The following OR1L8 variants were observed in gnomAD, a reference collection of about 807,000 sequenced individuals.
OR1L8 encodes olfactory receptor family 1 subfamily L member 8, also known as olfactory receptor 1L8.
For missense variants in OR1L8, 330 were observed against 377.4 expected, an observed-to-expected ratio of 0.87 and a Z score of 1.04; for synonymous variants, 148 against 147.0, an observed-to-expected ratio of 1.01 and a Z score of -0.05.
intron 1 of OR1L8, among the ~76,000 whole-genome samples, chr9:122,582,956 GC>G (rs1472349466): frequency 1.3e-5 from 2 of 151,834 alleles, no homozygotes; most frequent in East Asian, 3.8e-4. Flanking sequence ...AAAAAATAGA[GC>G]TAAATCATAT....
At chr9:122,576,218 T>C (rs1248540305) in intron 3 of OR1L8, among the ~76,000 whole-genome samples, 1 of 151,122 alleles carries the variant, frequency 6.6e-6, no homozygotes, top group Non-Finnish European at 1.5e-5. Flanking sequence ...CATTTTCTTT[T>C]TTACATTTTT....
downstream of OR1L8, among the ~76,000 whole-genome samples, chr9:122,566,547 T>C (rs148854291): frequency 2.4e-4 from 36 of 152,326 alleles, no homozygotes; most frequent in East Asian, 5.6e-3. Flanking sequence ...TTTGATTCTT[T>C]GAACATGCTG....
the OR1L8 span, among the ~76,000 whole-genome samples, chr9:122,547,832 A>C: frequency 6.6e-6 from 1 of 152,200 alleles, no homozygotes; most frequent in Admixed American, 6.6e-5. Flanking sequence ...GCTGGATCAA[A>C]TGATAGTTCT....
intron 1 of OR1L8, among the ~76,000 whole-genome samples, chr9:122,579,029 T>TA (rs142102747): frequency 0.027 from 3,994 of 150,632 alleles, 124 homozygotes; most frequent in African/African-American, 0.072. Flanking sequence ...CCCAAAAACC[T>TA]ACTGAAATTA....
chr9:122,552,079 T>TCTCTCTCTGTCACACA, the OR1L8 span, among the ~76,000 whole-genome samples: 6 of 142,086 alleles, frequency 4.2e-5, no homozygotes, highest in South Asian at 2.2e-4. Context: ...TCTCTCTCTC[T>TCTCTCTCTGTCACACA]CACACACACA....
the OR1L8 span, among the ~76,000 whole-genome samples, chr9:122,549,523 T>G: frequency 4.8e-4 from 73 of 152,330 alleles, no homozygotes; most frequent in East Asian, 0.012. Context: ...TAATCCATCT[T>G]GAGTTAATTT....
downstream of OR1L8, among the ~76,000 whole-genome samples, chr9:122,564,165 C>T (rs886753823): frequency 6.6e-6 from 1 of 152,086 alleles, no homozygotes; most frequent in African/African-American, 2.4e-5. Flanking sequence ...ATCACTGTTG[C>T]CCTCTAGTTA....
the OR1L8 span, among the ~76,000 whole-genome samples, chr9:122,550,558 T>C: frequency 4.4e-5 from 6 of 135,110 alleles, no homozygotes; most frequent in African/African-American, 1.7e-4. Flanking sequence ...CATGATCAAG[T>C]GGGTTTTTTT....
chr9:122,555,341 C>A, the OR1L8 span, among the ~76,000 whole-genome samples: 1 of 152,188 alleles, frequency 6.6e-6, no homozygotes, highest in African/African-American at 2.4e-5. Context: ...CTCCTTCTGT[C>A]CCTTCTCTTT....
intron 1 of OR1L8, among the ~76,000 whole-genome samples, chr9:122,581,931 A>G (rs541936321): frequency 1.3e-5 from 2 of 152,278 alleles, no homozygotes; most frequent in South Asian, 4.2e-4. Context: ...AAATAAATAA[A>G]TGAATAAATA....
At chr9:122,562,699 G>A (rs545448673), downstream of OR1L8, among the ~76,000 whole-genome samples, 5 of 152,220 alleles carry the variant, frequency 3.3e-5, no homozygotes, top group East Asian at 7.7e-4. Flanking sequence ...TGCAGGGTTC[G>A]CATGCTGTTT....
chr9:122,577,219 A>G (rs1231597609), intron 2 of OR1L8, among the ~76,000 whole-genome samples: 3 of 152,178 alleles, frequency 2.0e-5, no homozygotes, highest in African/African-American at 7.2e-5. Flanking sequence ...CTATTCATAC[A>G]CTGGTGCCTT....
chr9:122,549,496 T>A, the OR1L8 span, among the ~76,000 whole-genome samples: 31 of 152,354 alleles, frequency 2.0e-4, no homozygotes, highest in Middle Eastern at 3.4e-3. Flanking sequence ...TAGTTTCAGG[T>A]CTTACAGTTA....
the OR1L8 span, among the ~76,000 whole-genome samples, chr9:122,556,685 GA>G: frequency 1.3e-5 from 2 of 150,576 alleles, no homozygotes; most frequent in Admixed American, 1.3e-4. Flanking sequence ...AAATTTAAAA[GA>G]AAAAAAAAGT....
At chr9:122,552,037 A>ACACTCTCTCTCTCTCT in the OR1L8 span, among the ~76,000 whole-genome samples, 4 of 16,922 alleles carry the variant, frequency 2.4e-4, no homozygotes, top group African/African-American at 4.4e-4. Flanking sequence ...TAGGACACAT[A>ACACTCTCTCTCTCTCT]CACACACACA....
chr9:122,568,270 T>C lies in OR1L8; in HGVS notation c.208A>G (p.Thr70Ala). The stretch of plus-strand genomic sequence containing the variant: ...ACGCTTGTTGTAAAGCAAATATCAG[T>C]GAGAGACAGAAAACTCAAGAAGAAA... Reference protein sequence around the residue: ...MYFFLSFLSLTDICFTTSVVP... With the variant: ...MYFFLSFLSLADICFTTSVVP... Residue 70 changes from threonine to alanine, a missense_variant, in exon 5 of 5, where the codon ACT becomes GCT. Physicochemically the swap from Thr to Ala is moderately conservative, Grantham distance 58. Transcript: ENST00000641027. 6.2e-7 allele frequency: 1 copy of C among 1,614,010 alleles called. No homozygotes were observed. Among genetic ancestry groups the C allele is most frequent in the Non-Finnish European group, 8.5e-7 (1 of 1,179,930 alleles).
Position 122,577,467 on chromosome 9 carries a change from T to G in OR1L8, c.-477-566A>C, listed in dbSNP as rs531659754. 2.0e-5 allele frequency among the ~76,000 whole-genome samples: 3 copies of G among 152,054 alleles called. No homozygotes were observed. In the South Asian group the frequency reaches 6.2e-4, roughly 32 times the overall value. Reference sequence around the variant, plus strand: ...AGAATTATAAAAGAAGGCAAACACCTCAATAATAAAAAAGTGCAATGAACA... The same window carrying G: ...AGAATTATAAAAGAAGGCAAACACCGCAATAATAAAAAAGTGCAATGAACA... On this transcript the variant is annotated intron_variant, in intron 2 of 4. Coordinates refer to ENST00000641027, the MANE Select transcript of OR1L8 (RefSeq NM_001004454.2).
In OR1L8 at chr9:122,568,078, C is replaced by T. The variant is rs201342990; in HGVS notation, c.400G>A (p.Val134Ile). ...CAGTGGTGGTGGCTCATGGTGGTGA[C>T]ATAGTGGAAAGGGTCACAGACGGCC... ...YVAVCDPFHYVTTMSHHHCVL... is the reference protein window; with the variant it reads ...YVAVCDPFHYITTMSHHHCVL... The change falls in exon 5 of 5, where the codon GTC (valine) becomes ATC (isoleucine). Residue 134 changes from valine (V) to isoleucine (I), a missense_variant. Physicochemically the swap from Val to Ile is conservative, Grantham distance 29. Transcript: ENST00000641027. The T allele has an allele frequency of 6.2e-7, 1 of 1,613,958 alleles. No individual in the cohort carries two copies. The highest frequency in any genetic ancestry group is 2.2e-5 in the East Asian group (1 of 44,858).
chr9:122,567,690 G>T lies in OR1L8; in HGVS notation c.788C>A (p.Pro263His). 4 of 1,614,104 alleles carry T rather than the reference G, an allele frequency of 2.5e-6. No individual in the cohort carries two copies. The highest frequency in any genetic ancestry group is 3.4e-6 in the Non-Finnish European group (4 of 1,180,010). Residue 263 changes from proline to histidine, a missense_variant, in exon 5 of 5, where the codon CCC becomes CAC. Pro to His is a moderately conservative substitution (Grantham distance 77). Coordinates refer to ENST00000641027, the MANE Select transcript of OR1L8 (RefSeq NM_001004454.2). ...GTCCTTGACAGCGTAGGTGGATGGG[G>T]GCTGTAAATAGACACAGAAGATGCT... is the stretch of plus-strand genomic sequence containing the variant. ...YGSIFCVYLQ[P>H]PSTYAVKDHV... is the part of the protein sequence containing the mutation.
Sources: gnomAD v4.1 joint callset for allele counts (sites outside exome capture counted in the v4.1 genomes callset) on GRCh38, gnomAD v4.1.1 for gene constraint, MANE v1.5 for transcripts, NCBI Gene and HGNC (gene_info 2026-07-23, HGNC 2026-07-21) for gene names.